The following TGFB1 variants were observed in gnomAD, a reference collection of about 807,000 sequenced individuals.
The protein encoded by TGFB1 is transforming growth factor beta 1.
TGFB1 carries 19 observed loss-of-function variants against 43.8 expected under a neutral mutation model. The observed-to-expected ratio is 0.43, with a 90% confidence interval of 0.30 to 0.64. The LOEUF (loss-of-function observed/expected upper bound fraction) is 0.64. Among genes scored for constraint, TGFB1 ranks in the 30% least tolerant of loss-of-function variants. The pLI is 0.11. For synonymous variants in TGFB1, 221 were observed against 236.3 expected (o/e 0.94, Z 0.60); for missense variants, 445 against 529.8 (o/e 0.84, Z 1.57).
In TGFB1 at chr19:41,352,880, G is replaced by A; in HGVS notation, c.165C>T (p.Ser55=). The A allele has an allele frequency of 1.3e-6, 2 of 1,564,462 alleles. No individual in the cohort carries two copies. The highest frequency in any genetic ancestry group is 8.7e-7 in the Non-Finnish European group (1 of 1,155,572). ...RIEAIRGQIL[S]KLRLASPPSQ... ...TCGGGGGGCTGGCGAGCCGCAGCTT[G>A]GACAGGATCTGGCCGCGGATGGCCT... The change falls in exon 1 of 7, where the codon TCC becomes TCT. Residue 55 remains serine (S), a synonymous_variant. Coordinates refer to ENST00000221930, the MANE Select transcript of TGFB1 (RefSeq NM_000660.7).
Position 41,331,137 on chromosome 19 carries a change from G to C in TGFB1, c.1088C>G (p.Pro363Arg), listed in dbSNP as rs758966134. 25 of 1,572,582 alleles carry C rather than the reference G, an allele frequency of 1.6e-5. No individual in the cohort carries two copies. The highest frequency in any genetic ancestry group is 2.0e-5 in the Non-Finnish European group (23 of 1,161,286). ...GCCCACGTAGTACACGATGGGCAGC[G>C]GCTCCAGCGCCTGCGGCACGCAGCA... is the stretch of plus-strand genomic sequence containing the variant. ...APCCVPQALE[P>R]LPIVYYVGRK... Residue 363 changes from proline (P) to arginine (R), a missense_variant, in exon 7 of 7, where the codon CCG becomes CGG. Physicochemically the swap from Pro to Arg is moderately radical, Grantham distance 103. This residue lies in a region of TGFB1 where 56 missense variants were observed against 46.9 expected (regional missense o/e 1.19). Coordinates refer to ENST00000221930, the MANE Select transcript of TGFB1 (RefSeq NM_000660.7).
At chr19:41,344,011 C>G (rs1345753291) in intron 3 of TGFB1, among the ~76,000 whole-genome samples, 1 of 114,078 alleles carries the variant, frequency 8.8e-6, no homozygotes, top group Non-Finnish European at 1.7e-5. Context: ...GAGATGGGAT[C>G]TCACTCTTTC....
At chr19:41,344,621 G>A (rs2038094869) in intron 3 of TGFB1, 126 bp downstream of exon 3, 1 of 833,544 alleles carries the variant, frequency 1.2e-6, no homozygotes. Context: ...CCACAGAGGG[G>A]AGCCAGGTCT....
chr19:41,349,451 A>G (rs1047326553), intron 1 of TGFB1, among the ~76,000 whole-genome samples: 2 of 152,206 alleles, frequency 1.3e-5, no homozygotes, highest in Admixed American at 1.3e-4. Context: ...TGGTCACTCA[A>G]TCATGTATAC....
At chr19:41,340,250 T>C (rs1006617612) in intron 5 of TGFB1, among the ~76,000 whole-genome samples, 28 of 122,342 alleles carry the variant, frequency 2.3e-4, no homozygotes, top group Non-Finnish European at 4.8e-4. Context: ...ACACTTTCTT[T>C]CTTTTTTTTT....
At chr19:41,350,376 C>G (rs2038172694) in intron 1 of TGFB1, among the ~76,000 whole-genome samples, 1 of 145,294 alleles carries the variant, frequency 6.9e-6, no homozygotes, top group Non-Finnish European at 1.5e-5. Context: ...GCGATCTTGG[C>G]TCATAGCAAC....
chr19:41,352,116 AC>A (rs138868734), intron 1 of TGFB1, among the ~76,000 whole-genome samples: 24 of 143,468 alleles, frequency 1.7e-4, no homozygotes, highest in African/African-American at 6.0e-4. Flanking sequence ...ACTCTCCCCC[AC>A]CCCCGCATCC....
intron 5 of TGFB1, among the ~76,000 whole-genome samples, chr19:41,337,823 C>T (rs2038004640): frequency 6.6e-6 from 1 of 152,168 alleles, no homozygotes; most frequent in Admixed American, 6.5e-5. Flanking sequence ...CACTTCCACT[C>T]AATGAATGGA....
rs373664848 is a variant in TGFB1 at position 41,341,821 on chromosome 19, G to A, written c.860+62C>T. 24 of 1,606,938 alleles carry A rather than the reference G, an allele frequency of 1.5e-5. No individual in the cohort carries two copies. In the Middle Eastern group the frequency reaches 2.0e-3, roughly 134 times the overall value. On this transcript the variant is annotated intron_variant, in intron 5 of 6. Transcript: ENST00000221930. ...GCCAGGTGTCCAACCTGGAGCACCT[G>A]GTCAGCAGATGGCAGTCATGCCCCC...
At chr19:41,348,758 G>A (rs1285720475) in intron 1 of TGFB1, among the ~76,000 whole-genome samples, 2 of 151,738 alleles carry the variant, frequency 1.3e-5, no homozygotes, top group African/African-American at 4.8e-5. Flanking sequence ...CGAGCAGCTG[G>A]GACTAAAGGC....
intron 5 of TGFB1, among the ~76,000 whole-genome samples, chr19:41,336,078 C>T (rs2037985520): frequency 6.6e-6 from 1 of 151,286 alleles, no homozygotes; most frequent in Admixed American, 6.6e-5. Flanking sequence ...TCACTGCAAC[C>T]TCCATGTCCC....
At chr19:41,336,877 C>CT (rs370098859) in intron 5 of TGFB1, among the ~76,000 whole-genome samples, 45 of 149,044 alleles carry the variant, frequency 3.0e-4, no homozygotes, top group African/African-American at 7.4e-4. Flanking sequence ...TCATAAATAT[C>CT]TTTTTTTTTT....
intron 6 of TGFB1, among the ~76,000 whole-genome samples, chr19:41,331,744 A>G (rs769769627): frequency 7.1e-4 from 106 of 149,834 alleles, no homozygotes; most frequent in Non-Finnish European, 1.3e-3. Context: ...GTCCCTCCTC[A>G]TCTTCGCCTC....
At chr19:41,337,626 G>C (rs995208734) in intron 5 of TGFB1, among the ~76,000 whole-genome samples, 5 of 151,910 alleles carry the variant, frequency 3.3e-5, no homozygotes, top group Non-Finnish European at 7.4e-5. Context: ...CTCTCTCTCT[G>C]TATATATATT....
intron 1 of TGFB1, 30 bp from the exon 2 acceptor site, chr19:41,348,485 A>AG (rs757220880): frequency 1.2e-6 from 2 of 1,609,158 alleles, no homozygotes; most frequent in Non-Finnish European, 1.7e-6. Flanking sequence ...GGAGGCGATC[A>AG]GGGGTTTGGC....
chr19:41,332,242 A>G lies in TGFB1; in HGVS notation c.900T>C (p.Ile300=). Reference sequence around the variant, plus strand: ...TCCAGCCGAGGTCCTTGCGGAAGTCAATGTACAGCTGCCGCACGCAGCAGT... The same window carrying G: ...TCCAGCCGAGGTCCTTGCGGAAGTCGATGTACAGCTGCCGCACGCAGCAGT... ...EKNCCVRQLY[I]DFRKDLGWKW... Residue 300 remains isoleucine, a synonymous_variant, in exon 6 of 7, where the codon ATT becomes ATC. Transcript: ENST00000221930. 1 of 1,614,106 alleles carries G rather than the reference A, an allele frequency of 6.2e-7. No homozygotes were observed. The highest frequency in any genetic ancestry group is 8.5e-7 in the Non-Finnish European group (1 of 1,179,986).
rs3061192 is a variant in TGFB1, at chr19:41,343,980, CT to C, written c.634+766del. Among the ~76,000 whole-genome samples, 470 of 98,610 alleles carry C rather than the reference CT, an allele frequency of 4.8e-3. 1 individual carries two copies. Among genetic ancestry groups the C allele is most frequent in the African/African-American group, 0.014 (339 of 23,790 alleles). 64.7% of individuals were successfully genotyped at this position (98,610 alleles called of 152,430 possible). The stretch of plus-strand genomic sequence containing the variant: ...ACAGGCTGTTCCCTTTGCCTGGAAT[CT>C]TTTTTTTTTTTTTTTTTTTGAGATG... On this transcript the variant is annotated intron_variant, in intron 3 of 6. Coordinates refer to ENST00000221930, the MANE Select transcript of TGFB1 (RefSeq NM_000660.7).
chr19:41,350,287 GAATT>G (rs2038169472), intron 1 of TGFB1, among the ~76,000 whole-genome samples: 2 of 150,904 alleles, frequency 1.3e-5, no homozygotes, highest in South Asian at 4.2e-4. Flanking sequence ...GGGAGAAAAG[GAATT>G]AAGGTGTTTT....
intron 6 of TGFB1, 109 bp from the exon 7 acceptor site, chr19:41,331,319 C>G (rs2037928159): frequency 2.3e-6 from 3 of 1,303,090 alleles, no homozygotes; most frequent in Non-Finnish European, 3.0e-6. Context: ...CACTTCGTCT[C>G]TCCCCGCATC....
Sources: gnomAD v4.1 joint callset for allele counts (sites outside exome capture counted in the v4.1 genomes callset) on GRCh38, gnomAD v4.1.1 for gene constraint, gnomAD v4.1.1 regional missense constraint, MANE v1.5 for transcripts, NCBI Gene and HGNC (gene_info 2026-07-23, HGNC 2026-07-21) for gene names.